PALLD: variants seen among roughly 807,000 people sequenced by gnomAD.
PALLD encodes palladin, cytoskeletal associated protein.
PALLD carries 61 observed loss-of-function variants against 123.5 expected under a neutral mutation model. The observed-to-expected ratio is 0.49, with a 90% CI of 0.40 to 0.61. The LOEUF is 0.61. Ranked by LOEUF, PALLD falls within the 20% of genes least tolerant of loss-of-function variation. The pLI is 0.00. For missense variants in PALLD, 1,273 were observed against 1,377.0 expected, an observed-to-expected ratio of 0.92 and a Z score of 1.20; for synonymous variants, 465 against 496.4, an observed-to-expected ratio of 0.94 and a Z score of 0.84.
chr4:168,901,202 T>C (rs1020898829), intron 14 of PALLD, among the ~76,000 whole-genome samples: 4 of 152,250 alleles, frequency 2.6e-5, no homozygotes, highest in Non-Finnish European at 5.9e-5. Flanking sequence ...CCATATAAAT[T>C]ACATTAGGAT....
rs1762625246 is a variant in PALLD at position 168,926,738 on chromosome 4, T to C, written c.*558T>C. 1 of 276,160 alleles carries C rather than the reference T, an allele frequency of 3.6e-6. No homozygotes were observed. The highest frequency in any genetic ancestry group is 2.2e-5 in the African/African-American group (1 of 46,114). 17.1% of individuals were successfully genotyped at this position (276,160 alleles called of 1,614,324 possible). A position where few individuals can be genotyped will look rare whatever the true frequency, so the allele number is the denominator to read the frequency against. On this transcript the variant is annotated 3_prime_UTR_variant, in exon 22 of 22. Transcript: ENST00000505667. ...CTTTAAACACAAGATATAGGTGCTG[T>C]GTAGCCTGATAGTGTGAAATGTTTA...
chr4:168,617,711 G>T (rs537063965), intron 2 of PALLD, among the ~76,000 whole-genome samples: 3 of 152,250 alleles, frequency 2.0e-5, no homozygotes, highest in African/African-American at 7.2e-5. Context: ...AAAACGAGGA[G>T]ACTTAGAAAA....
At chr4:168,558,590 C>A (rs565044659) in intron 2 of PALLD, among the ~76,000 whole-genome samples, 1 of 152,276 alleles carries the variant, frequency 6.6e-6, no homozygotes, top group South Asian at 2.1e-4. Context: ...ATCCTTGATG[C>A]GCTGAAGGGC....
At position 168,685,570 on chromosome 4, in the gene PALLD, T is replaced by C. The variant is rs765293963; in HGVS notation, c.1335+11T>C. 42 of 1,566,890 alleles carry C rather than the reference T, an allele frequency of 2.7e-5. No individual in the cohort carries two copies. In the East Asian group the frequency reaches 9.2e-4, roughly 34 times the overall value. On this transcript the variant is annotated intron_variant, in intron 6 of 21. Coordinates refer to ENST00000505667, the MANE Select transcript of PALLD (RefSeq NM_001166108.2). Reference sequence around the variant, plus strand: ...CCTGTTTTTACAAAGGTCTGACATCTGGAAGTCTCATTCTCTGTGTTTGCT... The same window carrying C: ...CCTGTTTTTACAAAGGTCTGACATCCGGAAGTCTCATTCTCTGTGTTTGCT...
chr4:168,859,472 G>A (rs970460213), intron 10 of PALLD, among the ~76,000 whole-genome samples: 5 of 152,342 alleles, frequency 3.3e-5, no homozygotes, highest in African/African-American at 1.2e-4. Flanking sequence ...TCTTAGAAGA[G>A]TGGAAAGGCT....
intron 10 of PALLD, among the ~76,000 whole-genome samples, chr4:168,833,732 C>T (rs1253303734): frequency 6.7e-6 from 1 of 149,172 alleles, no homozygotes; most frequent in East Asian, 1.9e-4. Flanking sequence ...ATCTTTCTTG[C>T]TATTTTTTTT....
In PALLD at chr4:168,562,658, T is replaced by C. The variant is rs1432333374; in HGVS notation, c.908+50246T>C. 2.0e-5 allele frequency among the ~76,000 whole-genome samples: 3 copies of C among 151,806 alleles called. No homozygotes were observed. The South Asian group carries it at 6.2e-4, about 32-fold the overall frequency. ...AAGTGTTGCTGGAAAAGAAAACCAG[T>C]AGAGAAAGGCACTGAAATGGGAATG... On this transcript the variant is annotated intron_variant, in intron 2 of 21. Coordinates refer to ENST00000505667, the MANE Select transcript of PALLD (RefSeq NM_001166108.2).
At chr4:168,673,333 G>A (rs1278446854) in intron 3 of PALLD, among the ~76,000 whole-genome samples, 1 of 152,238 alleles carries the variant, frequency 6.6e-6, no homozygotes, top group Non-Finnish European at 1.5e-5. Flanking sequence ...TTTGGTCTCC[G>A]ATAGGAGCCT....
intron 8 of PALLD, among the ~76,000 whole-genome samples, chr4:168,704,676 A>G (rs1011978501): frequency 9.3e-5 from 14 of 151,128 alleles, no homozygotes; most frequent in Non-Finnish European, 5.9e-5. Context: ...AAAAAAAAAA[A>G]AAAAAAAAAA....
chr4:168,704,747 A>G (rs1173254480), intron 8 of PALLD, among the ~76,000 whole-genome samples: 1 of 152,012 alleles, frequency 6.6e-6, no homozygotes, highest in East Asian at 1.9e-4. Context: ...TGGTAGAGAT[A>G]AATCTTAAGA....
chr4:168,835,298 C>G (rs1744985884), intron 10 of PALLD, among the ~76,000 whole-genome samples: 1 of 152,172 alleles, frequency 6.6e-6, no homozygotes, highest in Non-Finnish European at 1.5e-5. Context: ...TAATCTTCTA[C>G]AAGTAAATGG....
At chr4:168,733,764 C>T (rs1414740810) in intron 10 of PALLD, among the ~76,000 whole-genome samples, 6 of 150,916 alleles carry the variant, frequency 4.0e-5, no homozygotes, top group South Asian at 4.3e-4. Flanking sequence ...GACGGAGTCT[C>T]GCTCTTTTGC....
chr4:168,560,764 T>G (rs1196312261), intron 2 of PALLD, among the ~76,000 whole-genome samples: 1 of 152,196 alleles, frequency 6.6e-6, no homozygotes, highest in African/African-American at 2.4e-5. Flanking sequence ...ATTAGTTTTG[T>G]GGAAGGCAGG....
chr4:168,816,415 T>TATATATATATATATA (rs35097396), intron 10 of PALLD, among the ~76,000 whole-genome samples: 63 of 136,258 alleles, frequency 4.6e-4, no homozygotes, highest in African/African-American at 9.3e-4. Context: ...ATATATATAT[T>TATATATATATATATA]TTTTTTAAGT....
intron 10 of PALLD, among the ~76,000 whole-genome samples, chr4:168,872,129 C>T (rs1044579663): frequency 8.5e-5 from 13 of 152,206 alleles, no homozygotes; most frequent in Non-Finnish European, 5.9e-5. Flanking sequence ...CAGAGAAGTT[C>T]CCAGGAGGAT....
At chr4:168,638,852 C>G (rs1776612446) in intron 2 of PALLD, among the ~76,000 whole-genome samples, 1 of 152,120 alleles carries the variant, frequency 6.6e-6, no homozygotes, top group African/African-American at 2.4e-5. Context: ...ACATCCAGAC[C>G]ATAGCAATCA....
intron 2 of PALLD, among the ~76,000 whole-genome samples, chr4:168,660,775 T>C (rs1001159750): frequency 6.6e-6 from 1 of 152,194 alleles, no homozygotes; most frequent in Non-Finnish European, 1.5e-5. Flanking sequence ...TGGAGAATAT[T>C]ATCTCCTCTC....
intron 2 of PALLD, among the ~76,000 whole-genome samples, chr4:168,610,728 A>G (rs1580567184): frequency 6.6e-6 from 1 of 152,218 alleles, no homozygotes; most frequent in South Asian, 2.1e-4. Flanking sequence ...TGGCTCTCCA[A>G]GTGTTCCTCT....
intron 2 of PALLD, among the ~76,000 whole-genome samples, chr4:168,548,661 G>A (rs537938466): frequency 6.6e-6 from 1 of 152,138 alleles, no homozygotes; most frequent in Non-Finnish European, 1.5e-5. Context: ...GACAAAGTAA[G>A]GAGAGTTGAA....
Sources: allele counts gnomAD v4.1 joint callset (sites outside exome capture counted in the v4.1 genomes callset), GRCh38; gene constraint gnomAD v4.1.1; transcripts MANE v1.5; gene names NCBI Gene and HGNC (gene_info 2026-07-23, HGNC 2026-07-21).